Variants in ABCB9 observed in about 807,000 individuals in gnomAD.
ABCB9 encodes the protein ABC-type oligopeptide transporter ABCB9.
In ABCB9, 36 loss-of-function variants were observed where a neutral mutation model predicts 62.0. That is an observed-to-expected ratio of 0.58 (90% CI 0.45 to 0.77). The LOEUF (loss-of-function observed/expected upper bound fraction) is 0.77. Ranked by LOEUF, ABCB9 falls within the 30% of genes least tolerant of loss-of-function variation. The probability of loss-of-function intolerance (pLI) is 0.00; values close to 1 mark genes in which losing one functional copy is unlikely to be tolerated. For synonymous variants in ABCB9, 435 were observed against 461.4 expected (o/e 0.94, Z 0.73); for missense variants, 943 against 1,054.7 (o/e 0.89, Z 1.47).
chr12:122,928,871 AG>A (rs2034987554), downstream of ABCB9: 1 of 321,190 alleles, frequency 3.1e-6, no homozygotes. Context: ...ACACAGGGGG[AG>A]GCCCTGGACC....
rs2035917651 is a variant in ABCB9 at position 122,944,265 on chromosome 12, C to T, written c.1380+126G>A. ...TTCTTGATATGATCATGCTGTCTCC[C>T]CTACTTACCTTAGAGAGAAATACCA... On this transcript the variant is annotated intron_variant, in intron 7 of 11. Coordinates refer to ENST00000280560, the MANE Select transcript of ABCB9 (RefSeq NM_019625.4). This position sits in a 1 kb window ranked among gnomAD's most constrained non-coding sequence, Gnocchi z 4.9. 2 of 1,374,250 alleles carry T rather than the reference C, an allele frequency of 1.5e-6. No individual in the cohort carries two copies. The highest frequency in any genetic ancestry group is 2.1e-5 in the Admixed American group (1 of 46,552). 85.1% of individuals were successfully genotyped at this position (1,374,250 alleles called of 1,614,324 possible).
At chr12:122,955,714 TG>T (rs1303951898) in intron 2 of ABCB9, among the ~76,000 whole-genome samples, 1 of 150,530 alleles carries the variant, frequency 6.6e-6, no homozygotes, top group Non-Finnish European at 1.5e-5. Context: ...TTTGTTTTTT[TG>T]TTTTTTTTTT....
chr12:122,926,116 A>G (rs1051086755), downstream of ABCB9, among the ~76,000 whole-genome samples: 1 of 152,184 alleles, frequency 6.6e-6, no homozygotes, highest in Admixed American at 6.6e-5. Context: ...GTTAATGGGT[A>G]TAGGGTTTTC....
Position 122,929,888 on chromosome 12 carries a change from C to T in ABCB9, c.*23G>A, listed in dbSNP as rs1165056994. The T allele has an allele frequency of 6.6e-6, 10 of 1,514,502 alleles. No individual in the cohort carries two copies. The highest frequency in any genetic ancestry group is 4.1e-5 in the African/African-American group (3 of 73,094). The allele number at this position is 1,514,502 out of a possible 1,614,324, so 93.8% of individuals were successfully genotyped here. On this transcript the variant is annotated 3_prime_UTR_variant, in exon 12 of 12. Transcript: ENST00000280560. This position sits in a 1 kb window ranked among gnomAD's most constrained non-coding sequence, Gnocchi z 6.0. ...GGCAGGCACCGGGTCCTCTGCCCCA[C>T]CGGGAGAAGCAGGGGCCCCCCATCA...
At chr12:122,954,513 GAC>G (rs1163333935) in intron 2 of ABCB9, among the ~76,000 whole-genome samples, 3 of 151,382 alleles carry the variant, frequency 2.0e-5, no homozygotes, top group African/African-American at 7.3e-5. Flanking sequence ...TATTTTTTGA[GAC>G]AGAGTCTCAT....
rs916535856 is a variant in ABCB9, at chr12:122,959,512, C to A, written c.601+123G>T. 1 of 1,468,520 alleles carries A rather than the reference C, an allele frequency of 6.8e-7. No homozygotes were observed. The highest frequency in any genetic ancestry group is 1.4e-5 in the African/African-American group (1 of 70,816). The allele number at this position is 1,468,520 out of a possible 1,614,324, so 91.0% of individuals were successfully genotyped here. A position where few individuals can be genotyped will look rare whatever the true frequency, so the allele number is the denominator to read the frequency against. On this transcript the variant is annotated intron_variant, in intron 2 of 11. Coordinates refer to ENST00000280560, the MANE Select transcript of ABCB9 (RefSeq NM_019625.4). This position sits in a 1 kb window ranked among gnomAD's most constrained non-coding sequence, Gnocchi z 5.4. The stretch of plus-strand genomic sequence containing the variant: ...AGATATGAGCCACTATGCCTGGCCT[C>A]TTTTCCTTTTCATATCAATTTGATG...
chr12:122,975,088 G>A lies in ABCB9; in HGVS notation c.-461C>T, dbSNP rs1301646140. 22 of 494,836 alleles carry A rather than the reference G, an allele frequency of 4.4e-5. No homozygotes were observed. The East Asian group carries it at 5.2e-4, about 12-fold the overall frequency. 30.7% of individuals were successfully genotyped at this position (494,836 alleles called of 1,614,324 possible). On this transcript the variant is annotated 5_prime_UTR_variant, in exon 1 of 12. Transcript: ENST00000392439. ...GGCCGCCGGTCCCAACCCGGCCCAG[G>A]AGCATCTTTCTCCGCAGACCGTTTC...
intron 11 of ABCB9, among the ~76,000 whole-genome samples, chr12:122,923,479 C>T (rs755963812): frequency 2.8e-4 from 42 of 152,064 alleles, no homozygotes; most frequent in Non-Finnish European, 4.0e-4. Flanking sequence ...TTAGTAGAGA[C>T]GGGGTTTCAC....
downstream of ABCB9, among the ~76,000 whole-genome samples, chr12:122,920,419 C>A (rs7953894): frequency 0.57 from 85,552 of 151,334 alleles, 25,030 homozygotes; most frequent in East Asian, 0.7. Context: ...TTAGATAAGC[C>A]TATAAACCTG....
At chr12:122,956,978 A>G (rs2036635735) in intron 2 of ABCB9, among the ~76,000 whole-genome samples, 1 of 151,912 alleles carries the variant, frequency 6.6e-6, no homozygotes, top group Non-Finnish European at 1.5e-5. Flanking sequence ...AAAACTCATA[A>G]TAGCTAACAA....
rs999558289 is a variant in ABCB9 at position 122,964,754 on chromosome 12, G to A, written c.-88+1533C>T. ...CCTGAGGGACAAGGACAAGGTGGTG[G>A]CCAGAATAGGCCCCACCCAGAACCG... is the stretch of plus-strand genomic sequence containing the variant. On this transcript the variant is annotated intron_variant, in intron 1 of 11. Transcript: ENST00000280560. The surrounding 1 kb of genome is among the most constrained non-coding windows in gnomAD (Gnocchi z 4.7). Among the ~76,000 whole-genome samples, 2 of 152,212 alleles carry A rather than the reference G, an allele frequency of 1.3e-5. No individual in the cohort carries two copies. Among genetic ancestry groups the A allele is most frequent in the African/African-American group, 4.8e-5 (2 of 41,454 alleles).
chr12:122,969,963 T>A (rs939795773), upstream of ABCB9, among the ~76,000 whole-genome samples: 3 of 152,148 alleles, frequency 2.0e-5, no homozygotes, highest in South Asian at 2.1e-4. Context: ...CAGGTTTTTT[T>A]ATAAAACTAA....
At chr12:122,943,456 C>T (rs771960390) in intron 7 of ABCB9, among the ~76,000 whole-genome samples, 21 of 152,282 alleles carry the variant, frequency 1.4e-4, no homozygotes, top group Non-Finnish European at 2.9e-4. Context: ...AAGTCAGGCC[C>T]GGCTGGCCCT....
downstream of ABCB9, chr12:122,924,425 C>T (rs1223596006): frequency 6.8e-6 from 2 of 292,458 alleles, no homozygotes; most frequent in Admixed American, 8.8e-5. Context: ...AGTGCAGTGG[C>T]ACGATCATAG....
In ABCB9 at chr12:122,929,559, C is replaced by T; in HGVS notation, c.*352G>A. 3 of 1,067,864 alleles carry T rather than the reference C, an allele frequency of 2.8e-6. No homozygotes were observed. Among genetic ancestry groups the T allele is most frequent in the South Asian group, 4.5e-5 (1 of 22,224 alleles). The allele number at this position is 1,067,864 out of a possible 1,614,324, so 66.1% of individuals were successfully genotyped here. On this transcript the variant is annotated 3_prime_UTR_variant, in exon 12 of 12. Coordinates refer to ENST00000280560, the MANE Select transcript of ABCB9 (RefSeq NM_019625.4). The surrounding 1 kb of genome is among the most constrained non-coding windows in gnomAD (Gnocchi z 6.0). ...AGAACATCTTGGTGAAAGTGCCCGC[C>T]ATTACTCCCAATTAGAAAAAGGTTT... is the stretch of plus-strand genomic sequence containing the variant.
At chr12:122,933,023 T>C (rs559771941) in intron 10 of ABCB9, among the ~76,000 whole-genome samples, 4 of 152,286 alleles carry the variant, frequency 2.6e-5, no homozygotes, top group Non-Finnish European at 2.9e-5. Context: ...TCTGAGTAAC[T>C]GAGACTACAG....
In ABCB9 at chr12:122,949,807, G is replaced by T; in HGVS notation, c.828C>A (p.Phe276Leu). 4 of 1,614,214 alleles carry T rather than the reference G, an allele frequency of 2.5e-6. No homozygotes were observed. The highest frequency in any genetic ancestry group is 3.3e-4 in the Middle Eastern group (2 of 6,062). ...FRSLVSQETS[F>L]FDENRTGDLI... The stretch of plus-strand genomic sequence containing the variant: ...ACCAACCTGTGCGGTTCTCATCAAA[G>T]AAGCTTGTCTCCTGGGACACCAGTG... Residue 276 changes from phenylalanine to leucine, a missense_variant, in exon 4 of 12, where the codon TTC becomes TTA. Phe to Leu is a conservative substitution (Grantham distance 22, BLOSUM62 0). Transcript: ENST00000280560.
rs546973029 is a variant in ABCB9, at chr12:122,965,264, G to T, written c.-88+1023C>A. On this transcript the variant is annotated intron_variant, in intron 1 of 11. Transcript: ENST00000280560. Reference sequence around the variant, plus strand: ...GGGGTCCCCTGTCCAGGCTATTCAGGGATTGCAAGAAAAGGGGCCAAAGAA... The same window carrying T: ...GGGGTCCCCTGTCCAGGCTATTCAGTGATTGCAAGAAAAGGGGCCAAAGAA... Among the ~76,000 whole-genome samples the T allele has an allele frequency of 5.3e-5, 8 of 152,304 alleles. No homozygotes were observed. In the East Asian group the frequency reaches 1.5e-3, roughly 29 times the overall value.
At position 122,948,697 on chromosome 12, in the gene ABCB9, T is replaced by C. The variant is rs1448119484; in HGVS notation, c.980A>G (p.Gln327Arg). Residue 327 changes from glutamine (Q) to arginine (R), a missense_variant, in exon 5 of 12, where the codon CAG becomes CGG. Coordinates refer to ENST00000280560, the MANE Select transcript of ABCB9 (RefSeq NM_019625.4). ...GCCCATGAAGGTGACCAAGGAGAGCTGCCATGAGAGGCTGAACATGAAGAC... is the reference window on the plus strand; with the variant it reads ...GCCCATGAAGGTGACCAAGGAGAGCCGCCATGAGAGGCTGAACATGAAGAC... ...VVVFMFSLSW[Q>R]LSLVTFMGFP... is the part of the protein sequence containing the mutation. 2 of 1,614,062 alleles carry C rather than the reference T, an allele frequency of 1.2e-6. No individual in the cohort carries two copies. Among genetic ancestry groups the C allele is most frequent in the African/African-American group, 1.3e-5 (1 of 75,040 alleles).
Sources: allele counts gnomAD v4.1 joint callset (sites outside exome capture counted in the v4.1 genomes callset), GRCh38; gene constraint gnomAD v4.1.1; non-coding constraint Gnocchi (gnomAD v3.1); transcripts MANE v1.5; gene names NCBI Gene and HGNC (gene_info 2026-07-23, HGNC 2026-07-21).